The following ATP8B4 variants were observed in gnomAD, a reference collection of about 807,000 sequenced individuals.
ATP8B4 encodes the protein probable phospholipid-transporting ATPase IM.
In ATP8B4, 133 loss-of-function variants were observed where a neutral mutation model predicts 145.6. The ratio of observed to expected loss-of-function variants is 0.91; its 90% CI spans 0.79 to 1.05. ATP8B4 has a LOEUF of 1.05. Ranked by LOEUF, ATP8B4 falls within the 50% of genes least tolerant of loss-of-function variation. ATP8B4 has a pLI of 0.00. For synonymous variants in ATP8B4, 507 were observed against 492.9 expected (o/e 1.03, Z -0.38); for missense variants, 1,458 against 1,425.2 (o/e 1.02, Z -0.37).
chr15:49,954,648 A>C (rs2043397951), intron 14 of ATP8B4, among the ~76,000 whole-genome samples: 1 of 152,072 alleles, frequency 6.6e-6, no homozygotes, highest in Non-Finnish European at 1.5e-5. Flanking sequence ...CAGTCAGAAA[A>C]ATTTTTGTTA....
At position 49,878,066 on chromosome 15, in the gene ATP8B4, A is replaced by G. The variant is rs1307268858; in HGVS notation, c.2781+1310T>C. On this transcript the variant is annotated intron_variant, in intron 24 of 27. Transcript: ENST00000284509. ...GATCAGTTTAAGGGCCAAGGTTGAC[A>G]AAGCAGGAAAGGAGAGAGGAGCAGA... Among the ~76,000 whole-genome samples, 5 of 152,216 alleles carry G rather than the reference A, an allele frequency of 3.3e-5. No individual in the cohort carries two copies. The East Asian group carries it at 9.6e-4, about 29-fold the overall frequency.
chr15:49,921,622 T>C (rs2040267565), intron 17 of ATP8B4, among the ~76,000 whole-genome samples: 1 of 152,188 alleles, frequency 6.6e-6, no homozygotes, highest in South Asian at 2.1e-4. Flanking sequence ...GTATTGCCAT[T>C]GAGTATGTCT....
In ATP8B4 at chr15:49,876,449, C is replaced by T; in HGVS notation, c.2856G>A (p.Lys952=). The part of the protein sequence containing the change: ...KPGQLNLLFN[K]RKFFICVLHG... ...GCAACACGCAAATGAAAAATTTACGCTTGTTAAAAAGCAGATTCAGCTGTC... is the reference window on the plus strand; with the variant it reads ...GCAACACGCAAATGAAAAATTTACGTTTGTTAAAAAGCAGATTCAGCTGTC... Residue 952 remains lysine (K), a synonymous_variant, in exon 25 of 28, where the codon AAG becomes AAA. Coordinates refer to ENST00000284509, the MANE Select transcript of ATP8B4 (RefSeq NM_024837.4). 1 of 1,614,116 alleles carries T rather than the reference C, an allele frequency of 6.2e-7. No individual in the cohort carries two copies. The highest frequency in any genetic ancestry group is 8.5e-7 in the Non-Finnish European group (1 of 1,179,974).
chr15:49,907,913 A>C (rs1308897360), intron 20 of ATP8B4: 1 of 375,016 alleles, frequency 2.7e-6, no homozygotes, highest in African/African-American at 2.1e-5. Context: ...TTTTAGGTTA[A>C]TTATTAAAGG....
At position 50,047,341 on chromosome 15, in the gene ATP8B4, T is replaced by C. The variant is rs368126699; in HGVS notation, c.201+10A>G. 2.1e-4 allele frequency: 314 copies of C among 1,486,260 alleles called. No individual in the cohort carries two copies. The highest frequency in any genetic ancestry group is 8.6e-4 in the Middle Eastern group (5 of 5,830). 92.1% of individuals were successfully genotyped at this position (1,486,260 alleles called of 1,614,324 possible). On this transcript the variant is annotated intron_variant, in intron 4 of 27. Transcript: ENST00000284509. Reference sequence around the variant, plus strand: ...AAACAGATAATAGAGAAATACAACCTAAATATTACCTGTAAAATCAGAAGG... The same window carrying C: ...AAACAGATAATAGAGAAATACAACCCAAATATTACCTGTAAAATCAGAAGG...
At chr15:50,006,880 A>C (rs997312613) in intron 7 of ATP8B4, among the ~76,000 whole-genome samples, 5 of 152,166 alleles carry the variant, frequency 3.3e-5, no homozygotes, top group African/African-American at 1.2e-4. Context: ...AGAAAGGTAC[A>C]CCTGGCTCCC....
chr15:50,025,476 C>T (rs1002736523), intron 6 of ATP8B4, among the ~76,000 whole-genome samples: 2 of 152,232 alleles, frequency 1.3e-5, no homozygotes, highest in Admixed American at 1.3e-4. Flanking sequence ...GACCTTTGCA[C>T]ATGATTTTCC....
intron 8 of ATP8B4, among the ~76,000 whole-genome samples, chr15:49,997,787 C>T (rs915202950): frequency 6.6e-6 from 1 of 152,150 alleles, no homozygotes; most frequent in African/African-American, 2.4e-5. Context: ...AAGGAATACG[C>T]ATTGCTAAAA....
At chr15:49,906,489 C>T (rs7168962) in intron 20 of ATP8B4, among the ~76,000 whole-genome samples, 3,528 of 152,228 alleles carry the variant, frequency 0.023, 149 homozygotes, top group African/African-American at 0.082. Flanking sequence ...GCTCCTTTTC[C>T]CACTACTACT....
At chr15:49,968,213 T>C (rs934519207) in intron 13 of ATP8B4, among the ~76,000 whole-genome samples, 11 of 152,122 alleles carry the variant, frequency 7.2e-5, no homozygotes, top group African/African-American at 2.7e-4. Flanking sequence ...AGAAACTGCA[T>C]CAACTAATGG....
At chr15:50,053,553 C>T (rs879549750) in intron 3 of ATP8B4, among the ~76,000 whole-genome samples, 2 of 152,252 alleles carry the variant, frequency 1.3e-5, no homozygotes, top group African/African-American at 2.4e-5. Context: ...TGTATGCTTA[C>T]AGTTTCCTTG....
chr15:50,006,489 C>CA (rs750033683), intron 7 of ATP8B4, among the ~76,000 whole-genome samples: 1,995 of 47,222 alleles, frequency 0.042, 37 homozygotes, highest in Middle Eastern at 0.057. Flanking sequence ...ATGAGACCAC[C>CA]AAAAAAAAAA....
At chr15:50,108,706 C>T (rs1317940494) in intron 1 of ATP8B4, among the ~76,000 whole-genome samples, 1 of 152,138 alleles carries the variant, frequency 6.6e-6, no homozygotes. Flanking sequence ...CTCTGACCTC[C>T]CCAAATCAGA....
At chr15:50,081,624 T>TA (rs2054563779) in intron 2 of ATP8B4, among the ~76,000 whole-genome samples, 1 of 152,168 alleles carries the variant, frequency 6.6e-6, no homozygotes, top group Non-Finnish European at 1.5e-5. Context: ...AACCTCTTCC[T>TA]AAAAATCAGT....
At chr15:50,065,236 A>T (rs1247552031) in intron 3 of ATP8B4, among the ~76,000 whole-genome samples, 4 of 151,704 alleles carry the variant, frequency 2.6e-5, no homozygotes, top group Non-Finnish European at 5.9e-5. Flanking sequence ...TTATTTGTCA[A>T]AAAAAAGAAA....
chr15:50,039,550 T>C (rs1256897361), intron 5 of ATP8B4, among the ~76,000 whole-genome samples: 1 of 152,106 alleles, frequency 6.6e-6, no homozygotes, highest in Non-Finnish European at 1.5e-5. Context: ...CAGATAGTAG[T>C]AGTAGGCTAT....
chr15:50,058,842 G>A (rs1231614444), intron 3 of ATP8B4, among the ~76,000 whole-genome samples: 3 of 151,392 alleles, frequency 2.0e-5, no homozygotes, highest in Non-Finnish European at 4.4e-5. Context: ...CTGGCTTTGT[G>A]GTTTTTTTTT....
intron 1 of ATP8B4, among the ~76,000 whole-genome samples, chr15:50,168,026 A>G (rs2044619077): frequency 6.6e-6 from 1 of 152,210 alleles, no homozygotes; most frequent in South Asian, 2.1e-4. Context: ...AAATGAGATC[A>G]ACTAGATAGA....
chr15:49,977,100 T>C, intron 12 of ATP8B4, among the ~76,000 whole-genome samples: 1 of 152,140 alleles, frequency 6.6e-6, no homozygotes, highest in Non-Finnish European at 1.5e-5. Flanking sequence ...GTAAGTGTCC[T>C]TTGCTCACCT....
Sources: allele counts gnomAD v4.1 joint callset (sites outside exome capture counted in the v4.1 genomes callset), GRCh38; gene constraint gnomAD v4.1.1; transcripts MANE v1.5; gene names NCBI Gene and HGNC (gene_info 2026-07-23, HGNC 2026-07-21).